Variants in COL5A1 observed in about 807,000 individuals in gnomAD.
COL5A1 encodes collagen type V alpha 1 chain, also known as collagen alpha-1(V) chain.
In COL5A1, 16 loss-of-function variants were observed where a neutral mutation model predicts 263.7. The observed-to-expected ratio is 0.06, with a 90% CI of 0.04 to 0.09. COL5A1 has a LOEUF of 0.09. COL5A1 is among the 10% of genes least tolerant of loss of function. The pLI is 1.00. For missense variants in COL5A1, 2,036 were observed against 2,540.5 expected, an observed-to-expected ratio of 0.80 and a Z score of 4.27; for synonymous variants, 1,012 against 1,004.5, an observed-to-expected ratio of 1.01 and a Z score of -0.14.
At chr9:134,698,334 T>C (rs971368384) in intron 2 of COL5A1, among the ~76,000 whole-genome samples, 1 of 152,258 alleles carries the variant, frequency 6.6e-6, no homozygotes. Flanking sequence ...CGGCCACAGC[T>C]GGGCAGCCCT....
rs554008587 is a variant in COL5A1, at chr9:134,695,899, TGGGACTGAGAGCCCTTCTGGTC to T, written c.278-4001_278-3980del. 7.8e-4 allele frequency among the ~76,000 whole-genome samples: 119 copies of T among 152,322 alleles called. 5 individuals are homozygous for T. In the South Asian group the frequency reaches 0.024, roughly 31 times the overall value. ...GCCCCTCACCTGTCCCACCCCAATG[TGGGACTGAGAGCCCTTCTGGTC>T]GGGACTGAAGATGGCTGGTGAAATT... On this transcript the variant is annotated intron_variant, in intron 2 of 65. Coordinates refer to ENST00000371817, the MANE Select transcript of COL5A1 (RefSeq NM_000093.5).
At chr9:134,721,614 C>G (rs886476513) in intron 4 of COL5A1, among the ~76,000 whole-genome samples, 3 of 152,204 alleles carry the variant, frequency 2.0e-5, no homozygotes, top group African/African-American at 7.2e-5. Flanking sequence ...GGGTTACAGC[C>G]TTTCCCTCTG....
chr9:134,669,261 C>G (rs1588421765), intron 1 of COL5A1, among the ~76,000 whole-genome samples: 2 of 98,574 alleles, frequency 2.0e-5, no homozygotes, highest in African/African-American at 9.1e-5. Context: ...CCTTCCCTTC[C>G]CTTCCCTTCC....
intron 4 of COL5A1, among the ~76,000 whole-genome samples, chr9:134,725,285 T>C (rs1292905270): frequency 6.6e-6 from 1 of 152,202 alleles, no homozygotes; most frequent in African/African-American, 2.4e-5. Context: ...CTCGGTTTCC[T>C]CTGTTGTAGA....
Position 134,647,233 on chromosome 9 carries a change from TCCTTGG to T in COL5A1, c.109+4941_109+4946del, listed in dbSNP as rs1831503879. 6.6e-6 allele frequency among the ~76,000 whole-genome samples: 1 copy of T among 152,156 alleles called. No homozygotes were observed. The highest frequency in any genetic ancestry group is 6.5e-5 in the Admixed American group (1 of 15,290). ...GCCGGTCTCTGCTGCCCCTTTGCCT[TCCTTGG>T]CCTCGGTTCTTTGCTTTCCCACGGA... is the stretch of plus-strand genomic sequence containing the variant. On this transcript the variant is annotated intron_variant, in intron 1 of 65. Transcript: ENST00000371817. The surrounding 1 kb of genome is among the most constrained non-coding windows in gnomAD (Gnocchi z 5.0).
intron 9 of COL5A1, among the ~76,000 whole-genome samples, 159 bp from the exon 10 acceptor site, chr9:134,738,315 A>G (rs557060113): frequency 2.0e-5 from 3 of 152,282 alleles, no homozygotes; most frequent in Non-Finnish European, 2.9e-5. Context: ...AGGCCCCACC[A>G]CAGGCCCCCT....
chr9:134,718,873 C>T (rs1461197627), intron 4 of COL5A1, among the ~76,000 whole-genome samples: 2 of 152,154 alleles, frequency 1.3e-5, no homozygotes, highest in African/African-American at 4.8e-5. Flanking sequence ...TGCCTTCCTC[C>T]TGGGGGGGCT....
At position 134,765,149 on chromosome 9, in the gene COL5A1, C is replaced by T. The variant is rs55724503; in HGVS notation, c.2035-532C>T. ...GTAGCGTCCTGGAAAAGATCTGTAC[C>T]CCACGCCTCCTTCTGCACATTCAGT... On this transcript the variant is annotated intron_variant, in intron 20 of 65. Transcript: ENST00000371817. The surrounding 1 kb of genome is among the most constrained non-coding windows in gnomAD (Gnocchi z 5.1). 0.051 allele frequency among the ~76,000 whole-genome samples: 7,797 copies of T among 152,164 alleles called. 244 individuals are homozygous for T. The highest frequency in any genetic ancestry group is 0.082 in the African/African-American group (3,400 of 41,512).
intron 53 of COL5A1, 147 bp downstream of exon 53, chr9:134,817,226 CG>C (rs1838791348): frequency 4.1e-6 from 3 of 729,012 alleles, no homozygotes; most frequent in Non-Finnish European, 7.2e-6. Flanking sequence ...CACTTAGCCT[CG>C]GCCACATCAT....
At chr9:134,646,021 C>T (rs1433643293) in intron 1 of COL5A1, among the ~76,000 whole-genome samples, 2 of 152,032 alleles carry the variant, frequency 1.3e-5, no homozygotes, top group Non-Finnish European at 2.9e-5. Flanking sequence ...TTCCCTTTGT[C>T]CCTCCATCCC....
chr9:134,678,557 A>C lies in COL5A1; in HGVS notation c.110-12355A>C, dbSNP rs935525592. Among the ~76,000 whole-genome samples, 1 of 152,136 alleles carries C rather than the reference A, an allele frequency of 6.6e-6. No individual in the cohort carries two copies. The highest frequency in any genetic ancestry group is 1.5e-5 in the Non-Finnish European group (1 of 68,016). Reference sequence around the variant, plus strand: ...GCAGGGCAAGCACCTGCTTCTCACCACCTGCTGCTCCTCCATGGTCTCTTC... The same window carrying C: ...GCAGGGCAAGCACCTGCTTCTCACCCCCTGCTGCTCCTCCATGGTCTCTTC... On this transcript the variant is annotated intron_variant, in intron 1 of 65. Transcript: ENST00000371817. This position sits in a 1 kb window ranked among gnomAD's most constrained non-coding sequence, Gnocchi z 5.5.
At chr9:134,760,353 C>A (rs1246176178) in intron 18 of COL5A1, among the ~76,000 whole-genome samples, 2 of 95,266 alleles carry the variant, frequency 2.1e-5, no homozygotes, top group East Asian at 4.1e-4. Context: ...CCCCACACAC[C>A]CCCACACATA....
At position 134,696,993 on chromosome 9, in the gene COL5A1, C is replaced by G. The variant is rs1191359488; in HGVS notation, c.278-2916C>G. Among the ~76,000 whole-genome samples, 1 of 151,954 alleles carries G rather than the reference C, an allele frequency of 6.6e-6. No individual in the cohort carries two copies. Among genetic ancestry groups the G allele is most frequent in the Non-Finnish European group, 1.5e-5 (1 of 68,006 alleles). ...GGCTGAGGCAGGAGAATGGCGTGAACCCGGGAGGCGGAGCTTGCAGTGAGC... is the reference window on the plus strand; with the variant it reads ...GGCTGAGGCAGGAGAATGGCGTGAAGCCGGGAGGCGGAGCTTGCAGTGAGC... On this transcript the variant is annotated intron_variant, in intron 2 of 65. Coordinates refer to ENST00000371817, the MANE Select transcript of COL5A1 (RefSeq NM_000093.5). This position sits in a 1 kb window ranked among gnomAD's most constrained non-coding sequence, Gnocchi z 4.3.
intron 4 of COL5A1, among the ~76,000 whole-genome samples, 191 bp downstream of exon 4, chr9:134,701,524 A>T (rs1451077933): frequency 6.6e-6 from 1 of 152,236 alleles, no homozygotes; most frequent in Non-Finnish European, 1.5e-5. Flanking sequence ...TGGAGGGGCC[A>T]GAGCTGCTGC....
At chr9:134,781,053 C>T (rs574589989) in intron 28 of COL5A1, among the ~76,000 whole-genome samples, 35 of 152,364 alleles carry the variant, frequency 2.3e-4, no homozygotes, top group African/African-American at 4.3e-4. Flanking sequence ...TGATGGTCCA[C>T]GTGCCGAGAC....
intron 11 of COL5A1, among the ~76,000 whole-genome samples, chr9:134,747,606 C>T (rs1835567676): frequency 6.6e-6 from 1 of 150,876 alleles, no homozygotes; most frequent in Non-Finnish European, 1.5e-5. Context: ...CATTCACACG[C>T]ACATTCACAC....
intron 1 of COL5A1, among the ~76,000 whole-genome samples, chr9:134,667,082 A>T (rs936839688): frequency 2.0e-5 from 3 of 152,176 alleles, no homozygotes; most frequent in African/African-American, 7.2e-5. Context: ...TTTAGAAAAG[A>T]GGAACATGAA....
intron 64 of COL5A1, among the ~76,000 whole-genome samples, chr9:134,834,642 A>G (rs1839777969): frequency 6.6e-6 from 1 of 152,162 alleles, no homozygotes; most frequent in Non-Finnish European, 1.5e-5. Flanking sequence ...GAGGGCAGCC[A>G]CAGAGTAGGT....
intron 61 of COL5A1, 36 bp downstream of exon 61, chr9:134,823,505 G>GA (rs1238558606): frequency 6.2e-7 from 1 of 1,608,620 alleles, no homozygotes; most frequent in Non-Finnish European, 8.5e-7. Context: ...GCGGGACGGG[G>GA]GCTCTGGCTA....
Sources: allele counts gnomAD v4.1 joint callset (sites outside exome capture counted in the v4.1 genomes callset), GRCh38; gene constraint gnomAD v4.1.1; non-coding constraint Gnocchi (gnomAD v3.1); transcripts MANE v1.5; gene names NCBI Gene and HGNC (gene_info 2026-07-23, HGNC 2026-07-21).